The following CALD1 variants were observed in gnomAD, a reference collection of about 807,000 sequenced individuals.
CALD1 encodes caldesmon 1.
CALD1 carries 33 observed loss-of-function variants against 99.9 expected under a neutral mutation model. The observed-to-expected ratio is 0.33, with a 90% CI of 0.25 to 0.44. The LOEUF (loss-of-function observed/expected upper bound fraction) is 0.44. Among genes scored for constraint, CALD1 ranks in the 20% least tolerant of loss-of-function variants. The pLI, the probability that CALD1 is intolerant of heterozygous loss-of-function variation, is 1.00. For missense variants in CALD1, 861 were observed against 962.1 expected (o/e 0.89, Z 1.39); for synonymous variants, 310 against 325.0 (o/e 0.95, Z 0.50).
At chr7:134,899,353 A>G (rs1365673502) in intron 3 of CALD1, among the ~76,000 whole-genome samples, 1 of 151,684 alleles carries the variant, frequency 6.6e-6, no homozygotes, top group Non-Finnish European at 1.5e-5. Context: ...ACAGGCGCCC[A>G]CCACCACACC....
chr7:134,928,602 G>A (rs1388716263), intron 3 of CALD1, 152 bp from the exon 4 acceptor site: 10 of 571,032 alleles, frequency 1.8e-5, no homozygotes, highest in Non-Finnish European at 2.6e-5. Context: ...TGACTAGGTC[G>A]CTAAACTTAA....
At chr7:134,829,289 C>A (rs1281982978) in intron 1 of CALD1, among the ~76,000 whole-genome samples, 3 of 152,200 alleles carry the variant, frequency 2.0e-5, no homozygotes, top group Non-Finnish European at 4.4e-5. Flanking sequence ...CATCTTAAAA[C>A]TCTATGTCTA....
At chr7:134,876,580 T>C (rs925569717) in intron 3 of CALD1, among the ~76,000 whole-genome samples, 8 of 152,170 alleles carry the variant, frequency 5.3e-5, no homozygotes, top group African/African-American at 1.9e-4. Flanking sequence ...TACCAGTTAA[T>C]AGTCAGGAAC....
the CALD1 span, among the ~76,000 whole-genome samples, chr7:134,720,074 C>T: frequency 6.6e-6 from 1 of 151,946 alleles, no homozygotes; most frequent in East Asian, 1.9e-4. Flanking sequence ...AGAATGTAGC[C>T]TTTGTAAACT....
intron 3 of CALD1, among the ~76,000 whole-genome samples, chr7:134,893,755 A>T (rs1438830750): frequency 6.6e-6 from 1 of 152,306 alleles, no homozygotes; most frequent in Non-Finnish European, 1.5e-5. Context: ...CCGTCAATCG[A>T]GGAAAATGAC....
At chr7:134,948,421 C>T (rs140244819) in intron 8 of CALD1, among the ~76,000 whole-genome samples, 233 of 152,164 alleles carry the variant, frequency 1.5e-3, no homozygotes, top group African/African-American at 5.4e-3. Flanking sequence ...CAAGGAGGAA[C>T]ATTTTGGCTC....
chr7:134,711,710 GTGTGTGTGTGTGTGTGTC>G, the CALD1 span, among the ~76,000 whole-genome samples: 1 of 135,420 alleles, frequency 7.4e-6, no homozygotes, highest in Admixed American at 7.7e-5. Context: ...GTGTGTGTGT[GTGTGTGTGTGTGTGTGTC>G]TCTCTCTCTG....
At chr7:134,751,109 T>G (rs945769924) in intron 1 of CALD1, among the ~76,000 whole-genome samples, 2 of 152,220 alleles carry the variant, frequency 1.3e-5, no homozygotes, top group African/African-American at 4.8e-5. Flanking sequence ...AGATTGCCCA[T>G]GTCCAAATCC....
At chr7:134,721,005 T>C in the CALD1 span, among the ~76,000 whole-genome samples, 69 of 152,320 alleles carry the variant, frequency 4.5e-4, no homozygotes, top group East Asian at 0.013. Context: ...GTGTTTGCCA[T>C]GTAACTTCTT....
At chr7:134,794,565 C>T (rs955143965) in intron 1 of CALD1, among the ~76,000 whole-genome samples, 33 of 152,208 alleles carry the variant, frequency 2.2e-4, no homozygotes, top group African/African-American at 7.0e-4. Context: ...CAGCTCACTA[C>T]AACCTCCACT....
At chr7:134,711,948 C>A in the CALD1 span, among the ~76,000 whole-genome samples, 1 of 148,282 alleles carries the variant, frequency 6.7e-6, no homozygotes, top group Non-Finnish European at 1.5e-5. Flanking sequence ...ATCTTTGTAA[C>A]CTTAACACAG....
At chr7:134,853,877 G>A (rs1418530499) in intron 2 of CALD1, among the ~76,000 whole-genome samples, 1 of 1,838 alleles carries the variant, frequency 5.4e-4, no homozygotes, top group Admixed American at 2.0e-3. Flanking sequence ...CCCCCACCCC[G>A]ACAGGTCCCA....
chr7:134,869,420 AT>A (rs1291088528), intron 3 of CALD1, among the ~76,000 whole-genome samples: 1 of 152,214 alleles, frequency 6.6e-6, no homozygotes, highest in Non-Finnish European at 1.5e-5. Context: ...GGACTAGAAT[AT>A]GGGGATACCA....
At chr7:134,771,229 C>T (rs866361163) in intron 1 of CALD1, among the ~76,000 whole-genome samples, 1 of 152,192 alleles carries the variant, frequency 6.6e-6, no homozygotes. Context: ...TGCAAATGTG[C>T]ATCTCAAGCC....
intron 1 of CALD1, among the ~76,000 whole-genome samples, chr7:134,840,005 C>A (rs544461147): frequency 6.6e-6 from 1 of 152,212 alleles, no homozygotes; most frequent in Admixed American, 6.5e-5. Context: ...CTTTGTCATC[C>A]ATATTGCTAA....
intron 9 of CALD1, among the ~76,000 whole-genome samples, chr7:134,952,471 G>C (rs12707193): frequency 0.31 from 46,865 of 149,542 alleles, 7,895 homozygotes; most frequent in Non-Finnish European, 0.39. Context: ...ACTTCCCTTA[G>C]TCTTTTTTTT....
At chr7:134,742,934 T>A (rs561005683), upstream of CALD1, among the ~76,000 whole-genome samples, 1 of 152,288 alleles carries the variant, frequency 6.6e-6, no homozygotes, top group South Asian at 2.1e-4. Flanking sequence ...GTCCACCAGA[T>A]ATGGAGGCTC....
intron 3 of CALD1, among the ~76,000 whole-genome samples, chr7:134,872,469 T>C (rs949490517): frequency 6.6e-6 from 1 of 152,150 alleles, no homozygotes; most frequent in African/African-American, 2.4e-5. Context: ...TTTCTCACTC[T>C]GAGTTCTTGA....
At chr7:134,717,107 C>T in the CALD1 span, among the ~76,000 whole-genome samples, 1 of 152,188 alleles carries the variant, frequency 6.6e-6, no homozygotes, top group African/African-American at 2.4e-5. Context: ...TGAGTTCCGT[C>T]TCTTTCCCCC....
Sources: allele counts gnomAD v4.1 joint callset (sites outside exome capture counted in the v4.1 genomes callset), GRCh38; gene constraint gnomAD v4.1.1; transcripts MANE v1.5; gene names NCBI Gene and HGNC (gene_info 2026-07-23, HGNC 2026-07-21).